The following ADAM29 variants were observed in gnomAD, a reference collection of about 807,000 sequenced individuals.
ADAM29 encodes ADAM metallopeptidase domain 29.
For synonymous variants in ADAM29, 367 were observed against 342.3 expected (o/e 1.07, Z -0.80); for missense variants, 969 against 1,001.8 (o/e 0.97, Z 0.44).
In ADAM29 at chr4:174,936,609, G is replaced by A. The variant is rs181302317; in HGVS notation, c.-261-324G>A. Among the ~76,000 whole-genome samples, 3 of 151,906 alleles carry A rather than the reference G, an allele frequency of 2.0e-5. No homozygotes were observed. The East Asian group carries it at 5.8e-4, about 29-fold the overall frequency. On this transcript the variant is annotated intron_variant, in intron 3 of 4. Coordinates refer to ENST00000359240, the MANE Select transcript of ADAM29 (RefSeq NM_014269.4). ...ACTACCTATGTATTTGTTCTAAGTT[G>A]CTCCCACTTGTATTTGAATGGCAAG...
chr4:174,935,596 A>C (rs975458479), intron 3 of ADAM29, among the ~76,000 whole-genome samples: 1 of 152,088 alleles, frequency 6.6e-6, no homozygotes, highest in Non-Finnish European at 1.5e-5. Context: ...GAAGCAATAT[A>C]AAAATTATCC....
Position 174,976,730 on chromosome 4 carries a change from A to T in ADAM29, c.1205A>T (p.Asn402Ile). ...KDIFNVKRCG[N>I]GVVEEGEECD... The stretch of plus-strand genomic sequence containing the variant: ...ATCTTTAATGTGAAGCGCTGTGGGA[A>T]TGGTGTTGTTGAAGAAGGAGAAGAG... Residue 402 changes from asparagine (N) to isoleucine (I), a missense_variant, in exon 5 of 5, where the codon AAT becomes ATT. By Grantham distance (149) the Asn-to-Ile change is moderately radical. Transcript: ENST00000359240. 1 of 1,613,950 alleles carries T rather than the reference A, an allele frequency of 6.2e-7. No individual in the cohort carries two copies. The highest frequency in any genetic ancestry group is 1.1e-5 in the South Asian group (1 of 91,046).
chr4:174,968,306 G>A (rs1334169764), intron 4 of ADAM29, among the ~76,000 whole-genome samples: 5 of 152,112 alleles, frequency 3.3e-5, no homozygotes, highest in Admixed American at 2.0e-4. Context: ...GTGGCCCTCT[G>A]GAACAGCTCT....
Position 174,929,859 on chromosome 4 carries a change from C to G in ADAM29, c.-450-1127C>G, listed in dbSNP as rs150552035. On this transcript the variant is annotated intron_variant, in intron 2 of 4. Coordinates refer to ENST00000359240, the MANE Select transcript of ADAM29 (RefSeq NM_014269.4). ...GCAATCTCTGTCTCCTGGGTTCAAG[C>G]GATTCTTCTGTCTCACCCTCCCAAG... 6.6e-3 allele frequency among the ~76,000 whole-genome samples: 996 copies of G among 151,656 alleles called. 10 individuals carry two copies. Among genetic ancestry groups the G allele is most frequent in the African/African-American group, 0.022 (913 of 41,316 alleles).
intron 4 of ADAM29, among the ~76,000 whole-genome samples, chr4:174,947,409 C>T (rs1197109671): frequency 6.6e-6 from 1 of 152,114 alleles, no homozygotes; most frequent in Non-Finnish European, 1.5e-5. Flanking sequence ...CTTAACACTG[C>T]TTTAGCTGTG....
intron 2 of ADAM29, among the ~76,000 whole-genome samples, chr4:174,928,170 C>G (rs1743625362): frequency 6.6e-6 from 1 of 152,108 alleles, no homozygotes; most frequent in Non-Finnish European, 1.5e-5. Flanking sequence ...GGAAGGACAG[C>G]TGAGTTCAGG....
chr4:174,920,911 A>C (rs2110886043), intron 2 of ADAM29, 119 bp downstream of exon 2: 1 of 152,282 alleles, frequency 6.6e-6, no homozygotes, highest in Admixed American at 6.5e-5. Context: ...ACTATTATCA[A>C]GGTGGATATC....
intron 4 of ADAM29, among the ~76,000 whole-genome samples, chr4:174,949,522 TG>T (rs1205937951): frequency 2.6e-5 from 4 of 152,116 alleles, no homozygotes; most frequent in Middle Eastern, 3.2e-3. Flanking sequence ...CAGGAGTCAC[TG>T]GGGGCCAGGA....
chr4:174,962,657 G>A (rs1325761758), intron 4 of ADAM29, among the ~76,000 whole-genome samples: 3 of 151,982 alleles, frequency 2.0e-5, no homozygotes, highest in Non-Finnish European at 4.4e-5. Flanking sequence ...TGATAACTGT[G>A]TTAGGTTATA....
intron 4 of ADAM29, among the ~76,000 whole-genome samples, chr4:174,960,626 T>C (rs1745758101): frequency 6.6e-6 from 1 of 152,182 alleles, no homozygotes; most frequent in Non-Finnish European, 1.5e-5. Context: ...TCAAATGCTT[T>C]GTGAGACATG....
Position 174,975,890 on chromosome 4 carries a change from G to C in ADAM29, c.365G>C (p.Gly122Ala), listed in dbSNP as rs574685056. ...GTTTCCCTCAGTACCTGTTTTGGGG[G>C]TTTTCAAGGAATATTACAGATAAAT... Reference protein sequence around the residue: ...SLVSLSTCFGGFQGILQINDF... With the variant: ...SLVSLSTCFGAFQGILQINDF... Residue 122 changes from glycine (G) to alanine (A), a missense_variant, in exon 5 of 5, where the codon GGT (glycine) becomes GCT (alanine). Transcript: ENST00000359240. 1.9e-5 allele frequency: 30 copies of C among 1,613,318 alleles called. No individual in the cohort carries two copies. Among genetic ancestry groups the C allele is most frequent in the Non-Finnish European group, 2.5e-5 (29 of 1,179,820 alleles).
intron 4 of ADAM29, among the ~76,000 whole-genome samples, chr4:174,946,624 C>A (rs1469018487): frequency 6.6e-6 from 1 of 151,934 alleles, no homozygotes; most frequent in Non-Finnish European, 1.5e-5. Flanking sequence ...GTGATATTGG[C>A]TATGGGATTT....
At chr4:174,928,970 GA>G (rs2110920940) in intron 2 of ADAM29, among the ~76,000 whole-genome samples, 1 of 152,296 alleles carries the variant, frequency 6.6e-6, no homozygotes, top group African/African-American at 2.4e-5. Flanking sequence ...ACTGCTCTAA[GA>G]AAAGAGAGAT....
At chr4:174,939,979 T>A (rs1045829806) in intron 4 of ADAM29, among the ~76,000 whole-genome samples, 3 of 151,722 alleles carry the variant, frequency 2.0e-5, no homozygotes, top group African/African-American at 7.3e-5. Flanking sequence ...CTTTCCTCCC[T>A]ACCTCCCTAC....
chr4:174,928,747 A>T (rs577505602), intron 2 of ADAM29, among the ~76,000 whole-genome samples: 1 of 152,238 alleles, frequency 6.6e-6, no homozygotes, highest in East Asian at 1.9e-4. Context: ...TGATTCGGCC[A>T]TCTGTGTTTG....
rs1041676856 is a variant in ADAM29 at position 174,918,762 on chromosome 4, G to GA, written c.-557+300dup. ...TCTCTAAATTTAAAAAAAAGAAAAA[G>GA]AAAAAAAAACACAGGGCAGTGATAT... On this transcript the variant is annotated intron_variant, in intron 1 of 4. Transcript: ENST00000359240. Among the ~76,000 whole-genome samples the GA allele has an allele frequency of 2.8e-4, 41 of 149,052 alleles. 1 individual carries two copies. Among genetic ancestry groups the GA allele is most frequent in the African/African-American group, 5.7e-4 (23 of 40,590 alleles).
At chr4:174,965,970 T>C (rs1215917848) in intron 4 of ADAM29, among the ~76,000 whole-genome samples, 1 of 152,210 alleles carries the variant, frequency 6.6e-6, no homozygotes, top group Non-Finnish European at 1.5e-5. Context: ...CATCCCTTGA[T>C]ATCCAAGGAG....
chr4:174,970,395 G>T lies in ADAM29; in HGVS notation c.-180-4951G>T, dbSNP rs1021433373. On this transcript the variant is annotated intron_variant, in intron 4 of 4. Transcript: ENST00000359240. ...ATAAGCGAAGGAGGGAAACAGAAGA[G>T]GCAGAGTCAAAATGAAGTGATATGA... 2.0e-5 allele frequency among the ~76,000 whole-genome samples: 3 copies of T among 152,198 alleles called. No individual in the cohort carries two copies. In the South Asian group the frequency reaches 6.2e-4, roughly 32 times the overall value.
At chr4:174,933,365 T>C (rs149472177) in intron 3 of ADAM29, among the ~76,000 whole-genome samples, 1 of 152,256 alleles carries the variant, frequency 6.6e-6, no homozygotes, top group African/African-American at 2.4e-5. Flanking sequence ...ACTGAAATAA[T>C]TGAGTTTAAC....
Sources: allele counts gnomAD v4.1 joint callset (sites outside exome capture counted in the v4.1 genomes callset), GRCh38; gene constraint gnomAD v4.1.1; transcripts MANE v1.5; gene names NCBI Gene and HGNC (gene_info 2026-07-23, HGNC 2026-07-21).